The following TMCO4 variants were observed in gnomAD, a reference collection of about 807,000 sequenced individuals.
TMCO4 encodes the protein transmembrane and coiled-coil domains 4.
A neutral mutation model predicts 64.7 loss-of-function variants in TMCO4; 58 were observed. The observed-to-expected ratio is 0.90, with a 90% CI of 0.73 to 1.12. The LOEUF is 1.12. TMCO4 is among the 50% of genes most tolerant of loss of function. The probability of loss-of-function intolerance (pLI) is 0.00; values close to 1 mark genes in which losing one functional copy is unlikely to be tolerated. For synonymous variants in TMCO4, 325 were observed against 346.1 expected, an observed-to-expected ratio of 0.94 and a Z score of 0.68; for missense variants, 780 against 825.9, an observed-to-expected ratio of 0.94 and a Z score of 0.68.
intron 2 of TMCO4, among the ~76,000 whole-genome samples, chr1:19,791,386 A>ATTATCAGC (rs2044029073): frequency 6.6e-6 from 1 of 152,184 alleles, no homozygotes; most frequent in South Asian, 2.1e-4. Context: ...AGACAGTGCA[A>ATTATCAGC]TTCTCAGCTT....
chr1:19,761,190 G>C (rs2042486454), intron 6 of TMCO4, among the ~76,000 whole-genome samples: 1 of 152,302 alleles, frequency 6.6e-6, no homozygotes, highest in South Asian at 2.1e-4. Context: ...TGGCAGCCTG[G>C]GTGCAGATGC....
intron 7 of TMCO4, among the ~76,000 whole-genome samples, chr1:19,751,214 G>A (rs2042007079): frequency 6.6e-6 from 1 of 152,194 alleles, no homozygotes; most frequent in South Asian, 2.1e-4. Flanking sequence ...AAGAATTGGA[G>A]GTGACCACCT....
Position 19,718,665 on chromosome 1 carries a change from A to AAAAAAAAAAAAAG in TMCO4, c.1265-17781_1265-17780insCTTTTTTTTTTTT, listed in dbSNP as rs1450808804. Among the ~76,000 whole-genome samples the AAAAAAAAAAAAAG allele has an allele frequency of 2.8e-3, 409 of 146,120 alleles. 7 individuals carry two copies. The highest frequency in any genetic ancestry group is 9.7e-3 in the African/African-American group (361 of 37,200). On this transcript the variant is annotated intron_variant, in intron 13 of 15. Transcript: ENST00000294543. The stretch of plus-strand genomic sequence containing the variant: ...GACCGTCTCTCAAAAAAAAAAAAAA[A>AAAAAAAAAAAAAG]AGAGAGAGAGAAAATGCAACACCTG...
intron 13 of TMCO4, among the ~76,000 whole-genome samples, chr1:19,716,449 C>T (rs988908706): frequency 2.0e-5 from 3 of 149,886 alleles, no homozygotes; most frequent in Non-Finnish European, 3.0e-5. Context: ...CCAGGCTGGC[C>T]TTGAACTCCC....
chr1:19,766,135 C>G (rs555915335), intron 6 of TMCO4, among the ~76,000 whole-genome samples: 4 of 152,220 alleles, frequency 2.6e-5, no homozygotes, highest in Non-Finnish European at 5.9e-5. Flanking sequence ...AAAGAAGTGT[C>G]GCCCACCCAT....
chr1:19,728,935 A>G (rs2095419244), intron 13 of TMCO4, among the ~76,000 whole-genome samples: 1 of 152,240 alleles, frequency 6.6e-6, no homozygotes, highest in African/African-American at 2.4e-5. Context: ...TACAGAGGCC[A>G]GAATCCAAAT....
chr1:19,700,943 G>A (rs2095268148), intron 13 of TMCO4, 58 bp from the exon 14 acceptor site: 2 of 1,409,248 alleles, frequency 1.4e-6, no homozygotes, highest in Admixed American at 3.4e-5. Context: ...GGTGCTGGGA[G>A]GGACTCCAAC....
At position 19,714,435 on chromosome 1, in the gene TMCO4, C is replaced by T. The variant is rs189023613; in HGVS notation, c.1265-13550G>A. Among the ~76,000 whole-genome samples the T allele has an allele frequency of 3.2e-4, 48 of 152,166 alleles. 1 individual carries two copies. The East Asian group carries it at 5.0e-3, about 16-fold the overall frequency. ...TCTTTAAAAACTGTAACATACTTAG[C>T]GGGTGGGGAGGGCTTCTTCAGACCA... On this transcript the variant is annotated intron_variant, in intron 13 of 15. Coordinates refer to ENST00000294543, the MANE Select transcript of TMCO4 (RefSeq NM_181719.7).
At chr1:19,797,956 GAGAAAAGAAA>G (rs56065038) in intron 2 of TMCO4, 171 bp downstream of exon 2, 33,410 of 121,382 alleles carry the variant, frequency 0.28, 5,166 homozygotes, top group East Asian at 0.31. Flanking sequence ...GAGAAAGAGA[GAGAAAAGAAA>G]AGAAAAGAAA....
At chr1:19,799,125 T>G (rs2044476157) in intron 1 of TMCO4, 3 of 152,574 alleles carry the variant, frequency 2.0e-5, no homozygotes, top group African/African-American at 7.2e-5. Flanking sequence ...GTAGCCCAGG[T>G]TTTTATCTCT....
intron 15 of TMCO4, among the ~76,000 whole-genome samples, chr1:19,683,851 C>T (rs1305512037): frequency 6.9e-6 from 1 of 144,762 alleles, no homozygotes; most frequent in East Asian, 2.0e-4. Context: ...CAACCTCCAC[C>T]TCCCAGGTTC....
At chr1:19,773,990 GATA>G (rs1393620481) in intron 4 of TMCO4, among the ~76,000 whole-genome samples, 1 of 152,138 alleles carries the variant, frequency 6.6e-6, no homozygotes. Context: ...ATAACATGTG[GATA>G]ATAACAGGAC....
chr1:19,712,093 AGCTATCCATCATGTAGG>A (rs1165000575), intron 13 of TMCO4, among the ~76,000 whole-genome samples: 1 of 152,196 alleles, frequency 6.6e-6, no homozygotes, highest in Non-Finnish European at 1.5e-5. Context: ...CACTGGGCCC[AGCTATCCATCATGTAGG>A]GCTATTAATT....
At chr1:19,736,637 T>C (rs2095456100) in intron 13 of TMCO4, among the ~76,000 whole-genome samples, 1 of 150,366 alleles carries the variant, frequency 6.7e-6, no homozygotes, top group Non-Finnish European at 1.5e-5. Context: ...GACAGATCTG[T>C]CCAAAACCAG....
chr1:19,712,400 C>T (rs983030260), intron 13 of TMCO4, among the ~76,000 whole-genome samples: 1 of 152,088 alleles, frequency 6.6e-6, no homozygotes, highest in Non-Finnish European at 1.5e-5. Context: ...GCAGGTGGAT[C>T]ATGAGGTCAG....
At chr1:19,744,185 T>C (rs951945055) in intron 10 of TMCO4, among the ~76,000 whole-genome samples, 1 of 152,138 alleles carries the variant, frequency 6.6e-6, no homozygotes, top group Non-Finnish European at 1.5e-5. Context: ...CCCACCCTGC[T>C]CTTTTTCTAA....
At chr1:19,768,547 G>A (rs1030776880) in intron 6 of TMCO4, among the ~76,000 whole-genome samples, 7 of 152,048 alleles carry the variant, frequency 4.6e-5, no homozygotes, top group Non-Finnish European at 7.4e-5. Context: ...TCCAGTGACC[G>A]AAGCAATGTT....
chr1:19,720,693 T>C (rs3934190), intron 13 of TMCO4, among the ~76,000 whole-genome samples: 90,157 of 151,802 alleles, frequency 0.59, 27,424 homozygotes, highest in Admixed American at 0.67. Flanking sequence ...ATCGAAAAAA[T>C]AAAGAACAAT....
At chr1:19,766,762 C>A (rs2042751242) in intron 6 of TMCO4, among the ~76,000 whole-genome samples, 1 of 152,188 alleles carries the variant, frequency 6.6e-6, no homozygotes, top group Admixed American at 6.5e-5. Context: ...TACAATCAAT[C>A]CCCAAAATAC....
Sources: gnomAD v4.1 joint callset for allele counts (sites outside exome capture counted in the v4.1 genomes callset) on GRCh38, gnomAD v4.1.1 for gene constraint, MANE v1.5 for transcripts, NCBI Gene and HGNC (gene_info 2026-07-23, HGNC 2026-07-21) for gene names.